EZH2: variants seen among roughly 807,000 people sequenced by gnomAD.
EZH2 encodes the protein enhancer of zeste 2 polycomb repressive complex 2 subunit, also known as histone-lysine N-methyltransferase EZH2.
A neutral mutation model predicts 98.4 loss-of-function variants in EZH2; 18 were observed. The ratio of observed to expected loss-of-function variants is 0.18; its 90% confidence interval spans 0.13 to 0.27. The LOEUF is 0.27. EZH2 is among the 10% of genes least tolerant of loss of function. EZH2 has a pLI of 1.00. For synonymous variants in EZH2, 338 were observed against 312.3 expected (o/e 1.08, Z -0.87); for missense variants, 470 against 935.1 (o/e 0.50, Z 6.49).
intron 5 of EZH2, among the ~76,000 whole-genome samples, chr7:148,829,159 C>G (rs1808593583): frequency 6.6e-6 from 1 of 152,142 alleles, no homozygotes; most frequent in African/African-American, 2.4e-5. Context: ...TGGCTTTGGC[C>G]TCCTCCCAAA....
intron 1 of EZH2, among the ~76,000 whole-genome samples, chr7:148,863,449 G>A (rs923120451): frequency 3.3e-5 from 5 of 151,916 alleles, no homozygotes; most frequent in Admixed American, 2.0e-4. Flanking sequence ...ACTAAAATTC[G>A]TTTAAACAAA....
At chr7:148,821,077 C>A (rs571093820) in intron 8 of EZH2, 1 of 151,854 alleles carries the variant, frequency 6.6e-6, no homozygotes, top group Non-Finnish European at 1.5e-5. Flanking sequence ...AGCCTCCCCA[C>A]TCCCCTCCCC....
chr7:148,818,227 T>C (rs1322738938), intron 9 of EZH2, 110 bp from the exon 10 acceptor site: 3 of 1,119,484 alleles, frequency 2.7e-6, no homozygotes, highest in Admixed American at 5.3e-5. Flanking sequence ...TATCACATTA[T>C]CCATTTATCA....
intron 15 of EZH2, among the ~76,000 whole-genome samples, chr7:148,812,240 G>A (rs2129469235): frequency 6.6e-6 from 1 of 152,266 alleles, no homozygotes; most frequent in East Asian, 1.9e-4. Context: ...CTTTGGATTT[G>A]TTCTTCCACC....
chr7:148,832,327 C>A (rs1017389988), intron 4 of EZH2, among the ~76,000 whole-genome samples: 2 of 152,144 alleles, frequency 1.3e-5, no homozygotes, highest in African/African-American at 2.4e-5. Context: ...AATCCATCTG[C>A]CTCAGCCTCC....
At chr7:148,853,488 C>T (rs908502776) in intron 1 of EZH2, among the ~76,000 whole-genome samples, 6 of 152,136 alleles carry the variant, frequency 3.9e-5, no homozygotes, top group South Asian at 2.1e-4. Flanking sequence ...ATAGGGTTCA[C>T]GCTTCCGTGA....
chr7:148,808,553 C>A (rs1802142343), intron 19 of EZH2, among the ~76,000 whole-genome samples: 2 of 152,204 alleles, frequency 1.3e-5, no homozygotes, highest in Admixed American at 1.3e-4. Context: ...CCATTGGTGG[C>A]CCACGTGTCC....
intron 11 of EZH2, 122 bp downstream of exon 11, chr7:148,817,100 T>G (rs1804761633): frequency 3.2e-6 from 3 of 930,058 alleles, no homozygotes; most frequent in Admixed American, 3.2e-5. Context: ...GAAAAAAAAA[T>G]TATTTTTAGG....
At chr7:148,809,953 G>A (rs1188266695) in intron 17 of EZH2, among the ~76,000 whole-genome samples, 1 of 152,248 alleles carries the variant, frequency 6.6e-6, no homozygotes, top group African/African-American at 2.4e-5. Flanking sequence ...GGGGAGTCTG[G>A]AAGATGGTTG....
At chr7:148,878,407 A>C (rs1820467684) in intron 1 of EZH2, among the ~76,000 whole-genome samples, 2 of 152,248 alleles carry the variant, frequency 1.3e-5, no homozygotes, top group Admixed American at 6.5e-5. Flanking sequence ...TATTTCACTA[A>C]GCATAATATT....
rs112029831 is a variant in EZH2, at chr7:148,827,255, G to A, written c.637C>T (p.Arg213Cys). 1.1e-5 allele frequency: 18 copies of A among 1,612,820 alleles called. No individual in the cohort carries two copies. The African/African-American group carries it at 1.3e-4, about 12-fold the overall frequency. The change falls in exon 7 of 20, where the codon CGC becomes TGC. Residue 213 changes from arginine to cysteine, a missense_variant. By Grantham distance (180) the Arg-to-Cys change is radical (BLOSUM62 -3). Coordinates refer to ENST00000320356, the MANE Select transcript of EZH2 (RefSeq NM_004456.5). ...TCAGAAGGAAATTTCCGAGGTGGGC[G>A]GCTTTCTTTATCTAAACAGGAGAAT... is the stretch of plus-strand genomic sequence containing the variant. ...LEDHRDDKES[R>C]PPRKFPSDKI...
In EZH2 at chr7:148,879,941, CA is replaced by C. The variant is rs528876662; in HGVS notation, c.-8+4222del. On this transcript the variant is annotated intron_variant, in intron 1 of 19. Coordinates refer to ENST00000320356, the MANE Select transcript of EZH2 (RefSeq NM_004456.5). Reference sequence around the variant, plus strand: ...GCAACAAAGCAGGATCCCATCTCTACAAAAAATTAAAAAATTAAATAAGTCA... The same window carrying C: ...GCAACAAAGCAGGATCCCATCTCTACAAAAATTAAAAAATTAAATAAGTCA... 5.6e-3 allele frequency among the ~76,000 whole-genome samples: 854 copies of C among 152,134 alleles called. 13 individuals are homozygous for C. The highest frequency in any genetic ancestry group is 0.019 in the African/African-American group (772 of 41,514).
chr7:148,859,594 GGTAA>G (rs1433566956), intron 1 of EZH2, among the ~76,000 whole-genome samples: 43 of 152,090 alleles, frequency 2.8e-4, no homozygotes, highest in African/African-American at 9.4e-4. Context: ...AAACAATACA[GGTAA>G]GTGAGTTAAG....
intron 3 of EZH2, among the ~76,000 whole-genome samples, chr7:148,835,210 A>C (rs1810561012): frequency 1.3e-5 from 2 of 152,160 alleles, no homozygotes; most frequent in Admixed American, 1.3e-4. Flanking sequence ...GCTTGAGCCC[A>C]GAAGTTCAAG....
intron 1 of EZH2, among the ~76,000 whole-genome samples, chr7:148,856,139 C>G (rs1337869771): frequency 6.6e-6 from 1 of 152,050 alleles, no homozygotes; most frequent in Non-Finnish European, 1.5e-5. Context: ...ATGGAAGGAG[C>G]AGGAGGTCGG....
chr7:148,814,894 T>C lies in EZH2; in HGVS notation c.1672+20A>G. 6.2e-7 allele frequency: 1 copy of C among 1,609,080 alleles called. No homozygotes were observed. The highest frequency in any genetic ancestry group is 8.5e-7 in the Non-Finnish European group (1 of 1,177,802). The stretch of plus-strand genomic sequence containing the variant: ...CCTATTTAGTTCTCATGCAATTGCA[T>C]CAAAGCAACAAATACTTACACTCTG... On this transcript the variant is annotated intron_variant, in intron 14 of 19. Transcript: ENST00000320356.
intron 8 of EZH2, among the ~76,000 whole-genome samples, chr7:148,823,612 CAG>C (rs1185034126): frequency 2.0e-5 from 3 of 149,728 alleles, no homozygotes; most frequent in Non-Finnish European, 4.4e-5. Flanking sequence ...GGATGGGGAA[CAG>C]AAAGTCATTG....
intron 4 of EZH2, 69 bp from the exon 5 acceptor site, chr7:148,829,917 A>C (rs1368955922): frequency 8.1e-7 from 1 of 1,229,116 alleles, no homozygotes; most frequent in African/African-American, 1.5e-5. Flanking sequence ...ACTAAAATAC[A>C]ACCTTTTTTT....
Position 148,829,716 on chromosome 7 carries a change from C to T in EZH2, c.484+12G>A. On this transcript the variant is annotated intron_variant, in intron 5 of 19. Transcript: ENST00000320356. ...TAGCCCCTTTTTCCAAGAGAAGAAG[C>T]ATATGGCTCACCTCTATCCCCGTGT... 1 of 1,606,848 alleles carries T rather than the reference C, an allele frequency of 6.2e-7. No homozygotes were observed. Among genetic ancestry groups the T allele is most frequent in the Non-Finnish European group, 8.5e-7 (1 of 1,178,066 alleles).
Sources: allele counts gnomAD v4.1 joint callset (sites outside exome capture counted in the v4.1 genomes callset), GRCh38; gene constraint gnomAD v4.1.1; transcripts MANE v1.5; gene names NCBI Gene and HGNC (gene_info 2026-07-23, HGNC 2026-07-21).